MGA: variants seen among roughly 807,000 people sequenced by gnomAD.
The protein encoded by MGA is MAX gene-associated protein.
Under a neutral mutation model 261.1 loss-of-function variants are expected in MGA, and 40 were observed. The ratio of observed to expected loss-of-function variants is 0.15; its 90% CI spans 0.12 to 0.20. The LOEUF (loss-of-function observed/expected upper bound fraction) is 0.20, where lower values mean the gene tolerates loss of function less well. Ranked by LOEUF, MGA falls within the 10% of genes least tolerant of loss-of-function variation. The pLI, the probability that MGA is intolerant of heterozygous loss-of-function variation, is 1.00. For synonymous variants in MGA, 1,302 were observed against 1,290.6 expected (o/e 1.01, Z -0.19); for missense variants, 3,397 against 3,630.5 (o/e 0.94, Z 1.65).
At chr15:41,650,156 G>C (rs2057012740) in intron 1 of MGA, among the ~76,000 whole-genome samples, 1 of 152,176 alleles carries the variant, frequency 6.6e-6, no homozygotes, top group South Asian at 2.1e-4. Context: ...TTGGTTATCT[G>C]ATAATAGTTG....
At chr15:41,670,248 C>G (rs1470939676) in intron 2 of MGA, among the ~76,000 whole-genome samples, 1 of 151,444 alleles carries the variant, frequency 6.6e-6, no homozygotes, top group Admixed American at 6.6e-5. Flanking sequence ...CAGGACCACC[C>G]AAGAATACCA....
intron 2 of MGA, among the ~76,000 whole-genome samples, chr15:41,695,850 C>G (rs16971974): frequency 7.2e-5 from 11 of 152,128 alleles, no homozygotes; most frequent in African/African-American, 2.4e-4. Context: ...TTTAATGGCC[C>G]TTTCCGGTTT....
At position 41,750,162 on chromosome 15, in the gene MGA, A is replaced by G. The variant is rs576650075; in HGVS notation, c.6555A>G (p.Lys2185=). The change falls in exon 17 of 24, where the codon AAA becomes AAG. Residue 2185 remains lysine, a synonymous_variant. Transcript: ENST00000219905. ...ATCTGAAGGGCCCCTTAACCAGGAA[A>G]TGTGTTGGAGCTTCACAGGAATGTA... The G allele has an allele frequency of 2.5e-6, 4 of 1,613,964 alleles. No homozygotes were observed. In the African/African-American group the frequency reaches 5.3e-5, roughly 22 times the overall value.
At position 41,768,566 on chromosome 15, in the gene MGA, G is replaced by A. The variant is rs919972830; in HGVS notation, c.*1286G>A. The A allele has an allele frequency of 6.6e-6, 1 of 152,546 alleles. No individual in the cohort carries two copies. The highest frequency in any genetic ancestry group is 1.5e-5 in the Non-Finnish European group (1 of 68,026). 9.4% of individuals were successfully genotyped at this position (152,546 alleles called of 1,614,324 possible). A position where few individuals can be genotyped will look rare whatever the true frequency, so the allele number is the denominator to read the frequency against. On this transcript the variant is annotated 3_prime_UTR_variant, in exon 24 of 24. Transcript: ENST00000219905. The stretch of plus-strand genomic sequence containing the variant: ...GGTCAAGAATCACTATTCTGAAACT[G>A]TATAGACTGGGATTTAGCTGCTGCA...
intron 9 of MGA, among the ~76,000 whole-genome samples, chr15:41,721,348 ATCCCAGC>A (rs988240128): frequency 1.3e-5 from 2 of 152,054 alleles, no homozygotes; most frequent in African/African-American, 4.8e-5. Flanking sequence ...TGTGCCTCTA[ATCCCAGC>A]TACTCAGGAG....
At chr15:41,695,985 A>G in intron 2 of MGA, 90 bp from the exon 3 acceptor site, 1 of 987,958 alleles carries the variant, frequency 1.0e-6, no homozygotes, top group Non-Finnish European at 1.5e-6. Context: ...TGTTACTTGG[A>G]TTCCTAACAT....
rs749433097 is a variant in MGA at position 41,749,559 on chromosome 15, A to G, written c.5952A>G (p.Ile1984Met). 2 of 1,613,946 alleles carry G rather than the reference A, an allele frequency of 1.2e-6. No individual in the cohort carries two copies. The highest frequency in any genetic ancestry group is 1.1e-5 in the South Asian group (1 of 91,080). Residue 1984 changes from isoleucine (I) to methionine (M), a missense_variant, in exon 17 of 24, where the codon ATA becomes ATG. By Grantham distance (10) the Ile-to-Met change is conservative. Coordinates refer to ENST00000219905, the MANE Select transcript of MGA (RefSeq NM_001164273.2). The stretch of plus-strand genomic sequence containing the variant: ...ACCAGAAAGATGAAACAAACTCAAT[A>G]AAAAGAGAGCAAGAAACGAAGAAGG...
chr15:41,765,826 C>G (rs962073179), intron 23 of MGA, among the ~76,000 whole-genome samples, 178 bp from the exon 24 acceptor site: 6 of 152,066 alleles, frequency 3.9e-5, no homozygotes, highest in Non-Finnish European at 1.5e-5. Context: ...TGAGATTTTT[C>G]TTGTTGGGTT....
At position 41,756,069 on chromosome 15, in the gene MGA, T is replaced by G. The variant is rs574071435; in HGVS notation, c.7139+1502T>G. Among the ~76,000 whole-genome samples the G allele has an allele frequency of 2.6e-5, 4 of 152,218 alleles. No homozygotes were observed. In the South Asian group the frequency reaches 8.3e-4, roughly 32 times the overall value. The stretch of plus-strand genomic sequence containing the variant: ...ATTTGTTTAAATTAATTGTTTAAAT[T>G]TAATTAAAAATACAAGTTAAAAGAA... On this transcript the variant is annotated intron_variant, in intron 18 of 23. Transcript: ENST00000219905.
intron 2 of MGA, among the ~76,000 whole-genome samples, chr15:41,690,295 A>C (rs1349343697): frequency 6.6e-6 from 1 of 152,224 alleles, no homozygotes. Flanking sequence ...ATTGTCAAAT[A>C]ATATTGTGTG....
Position 41,749,851 on chromosome 15 carries a change from G to A in MGA, c.6244G>A (p.Ala2082Thr), listed in dbSNP as rs2062736909. 1 of 1,613,874 alleles carries A rather than the reference G, an allele frequency of 6.2e-7. No individual in the cohort carries two copies. Among genetic ancestry groups the A allele is most frequent in the East Asian group, 2.2e-5 (1 of 44,866 alleles). The change falls in exon 17 of 24, where the codon GCT becomes ACT. Residue 2082 changes from alanine to threonine, a missense_variant. Ala to Thr is a moderately conservative substitution (Grantham distance 58). Coordinates refer to ENST00000219905, the MANE Select transcript of MGA (RefSeq NM_001164273.2). ...TCGTAAGAGTTCCAAAGAAAAAGTG[G>A]CTGTTCTGGAAGTTAGGACCATTTC... is the stretch of plus-strand genomic sequence containing the variant.
chr15:41,643,058 A>G (rs1329782260), intron 1 of MGA, among the ~76,000 whole-genome samples: 1 of 150,274 alleles, frequency 6.7e-6, no homozygotes, highest in Non-Finnish European at 1.5e-5. Context: ...ATGTGTCACC[A>G]CACTTAGCTA....
chr15:41,629,524 A>G (rs2056541504), intron 1 of MGA, among the ~76,000 whole-genome samples: 1 of 152,086 alleles, frequency 6.6e-6, no homozygotes. Context: ...TTAAACATAT[A>G]GAACTGCCAG....
At chr15:41,711,531 G>A (rs1394875205) in intron 8 of MGA, among the ~76,000 whole-genome samples, 182 bp downstream of exon 8, 1 of 152,068 alleles carries the variant, frequency 6.6e-6, no homozygotes, top group Non-Finnish European at 1.5e-5. Flanking sequence ...ATACTCAGGT[G>A]TAGATTTCTC....
At chr15:41,652,110 C>T (rs369755893) in intron 1 of MGA, among the ~76,000 whole-genome samples, 8 of 147,226 alleles carry the variant, frequency 5.4e-5, no homozygotes, top group Admixed American at 2.0e-4. Flanking sequence ...GGACTACAGG[C>T]GCCTGCCACC....
At chr15:41,705,179 G>A (rs1433580986) in intron 5 of MGA, among the ~76,000 whole-genome samples, 2 of 152,096 alleles carry the variant, frequency 1.3e-5, no homozygotes, top group African/African-American at 4.8e-5. Context: ...ACTTGGGGAA[G>A]GATTTTCTTG....
chr15:41,750,081 C>T lies in MGA; in HGVS notation c.6474C>T (p.Ala2158=). ...AGCAATCTAATCTACAGCCAGAGGC[C>T]AAAGAGAAGGAATGTGGAGACTCTC... The change falls in exon 17 of 24, where the codon GCC becomes GCT. Residue 2158 remains alanine (A), a synonymous_variant. Coordinates refer to ENST00000219905, the MANE Select transcript of MGA (RefSeq NM_001164273.2). 2 of 1,613,030 alleles carry T rather than the reference C, an allele frequency of 1.2e-6. No individual in the cohort carries two copies. Among genetic ancestry groups the T allele is most frequent in the Non-Finnish European group, 1.7e-6 (2 of 1,179,656 alleles).
intron 9 of MGA, among the ~76,000 whole-genome samples, chr15:41,724,850 T>C (rs1421137659): frequency 6.6e-6 from 1 of 152,194 alleles, no homozygotes; most frequent in Non-Finnish European, 1.5e-5. Context: ...TTATTCAAAT[T>C]TTGTGATTGT....
At chr15:41,671,419 G>T (rs2058054030) in intron 2 of MGA, among the ~76,000 whole-genome samples, 1 of 152,078 alleles carries the variant, frequency 6.6e-6, no homozygotes. Flanking sequence ...TGGCTCCCAG[G>T]TTCAAGCGAT....
Sources: allele counts gnomAD v4.1 joint callset (sites outside exome capture counted in the v4.1 genomes callset), GRCh38; gene constraint gnomAD v4.1.1; transcripts MANE v1.5; gene names NCBI Gene and HGNC (gene_info 2026-07-23, HGNC 2026-07-21).